Variants in CTNNA3 observed in about 807,000 individuals in gnomAD.
CTNNA3 encodes catenin alpha 3.
In CTNNA3, 76 loss-of-function variants were observed where a neutral mutation model predicts 95.7. The ratio of observed to expected loss-of-function variants is 0.79; its 90% CI spans 0.66 to 0.96. The LOEUF is 0.96. Ranked by LOEUF, CTNNA3 falls within the 40% of genes least tolerant of loss-of-function variation. The pLI, the probability that CTNNA3 is intolerant of heterozygous loss-of-function variation, is 0.00. For synonymous variants in CTNNA3, 431 were observed against 374.4 expected (o/e 1.15, Z -1.74); for missense variants, 1,191 against 1,089.8 (o/e 1.09, Z -1.31).
At chr10:66,765,326 G>A (rs563635176) in intron 9 of CTNNA3, among the ~76,000 whole-genome samples, 14 of 152,282 alleles carry the variant, frequency 9.2e-5, no homozygotes, top group South Asian at 8.3e-4. Flanking sequence ...CATTTGGGCC[G>A]TAAAAACATA....
At chr10:66,192,771 C>A (rs1175232604) in intron 13 of CTNNA3, among the ~76,000 whole-genome samples, 1 of 152,040 alleles carries the variant, frequency 6.6e-6, no homozygotes, top group Non-Finnish European at 1.5e-5. Context: ...TACATTTCCC[C>A]AGCTTGGTAT....
chr10:67,019,018 A>G (rs1416716641), intron 7 of CTNNA3, among the ~76,000 whole-genome samples: 2 of 152,178 alleles, frequency 1.3e-5, no homozygotes, highest in African/African-American at 4.8e-5. Context: ...CAGGAATTAG[A>G]TCTTCTGTTC....
intron 3 of CTNNA3, among the ~76,000 whole-genome samples, chr10:67,563,066 A>T (rs1841592644): frequency 6.6e-6 from 1 of 152,154 alleles, no homozygotes; most frequent in African/African-American, 2.4e-5. Context: ...CATACTGCCC[A>T]AGGTAATTTA....
At chr10:67,583,535 T>C (rs1018235038) in intron 3 of CTNNA3, among the ~76,000 whole-genome samples, 1 of 152,182 alleles carries the variant, frequency 6.6e-6, no homozygotes, top group Non-Finnish European at 1.5e-5. Flanking sequence ...CAATTATATG[T>C]CTTGTAGTTG....
At chr10:66,458,448 G>A (rs1334111568) in intron 11 of CTNNA3, among the ~76,000 whole-genome samples, 1 of 152,028 alleles carries the variant, frequency 6.6e-6, no homozygotes, top group Non-Finnish European at 1.5e-5. Flanking sequence ...AATTTATCAT[G>A]CAAGTCATTT....
Position 66,493,599 on chromosome 10 carries a change from A to ATTTTTTTTTTTTTTTTTTT in CTNNA3, c.1531+26999_1531+27017dup, listed in dbSNP as rs528761424. On this transcript the variant is annotated intron_variant, in intron 11 of 17. Coordinates refer to ENST00000433211, the MANE Select transcript of CTNNA3 (RefSeq NM_013266.4). Reference sequence around the variant, plus strand: ...GGGTTGGCTAACATTTAACTACAGTATTTTTTTTTTTTTTTTTTTTGAGAC... The same window carrying ATTTTTTTTTTTTTTTTTTT: ...GGGTTGGCTAACATTTAACTACAGTATTTTTTTTTTTTTTTTTTTTTTTTTTTTTTTTTTTTTTTGAGAC... Among the ~76,000 whole-genome samples the ATTTTTTTTTTTTTTTTTTT allele has an allele frequency of 1.1e-4, 12 of 112,020 alleles. 1 individual carries two copies. The East Asian group carries it at 1.9e-3, about 17-fold the overall frequency. 73.5% of individuals were successfully genotyped at this position (112,020 alleles called of 152,430 possible).
intron 7 of CTNNA3, among the ~76,000 whole-genome samples, chr10:67,024,984 G>T (rs1480468937): frequency 2.0e-5 from 3 of 151,966 alleles, no homozygotes; most frequent in Non-Finnish European, 4.4e-5. Context: ...TACAAAATTA[G>T]CCAGGTGTGG....
At chr10:67,742,957 AG>A (rs1475338934) in intron 1 of CTNNA3, among the ~76,000 whole-genome samples, 1 of 151,342 alleles carries the variant, frequency 6.6e-6, no homozygotes, top group African/African-American at 2.4e-5. Flanking sequence ...ACCAGGAAGA[AG>A]TTGAATCTCT....
chr10:66,179,043 C>A (rs1202577764), intron 13 of CTNNA3, among the ~76,000 whole-genome samples: 1 of 151,902 alleles, frequency 6.6e-6, no homozygotes, highest in Non-Finnish European at 1.5e-5. Context: ...CAGCAATTGC[C>A]TTTCTGGGAA....
chr10:66,584,798 C>T (rs905274790), intron 10 of CTNNA3, among the ~76,000 whole-genome samples: 1 of 151,948 alleles, frequency 6.6e-6, no homozygotes, highest in Non-Finnish European at 1.5e-5. Flanking sequence ...TTTATGCTTT[C>T]AGGAGTATTT....
intron 13 of CTNNA3, among the ~76,000 whole-genome samples, chr10:66,172,398 T>C (rs2085478691): frequency 6.6e-6 from 1 of 152,174 alleles, no homozygotes; most frequent in African/African-American, 2.4e-5. Context: ...GTTATAGAAC[T>C]TTTGTAACCT....
chr10:66,917,344 A>G (rs1429998220), intron 7 of CTNNA3, among the ~76,000 whole-genome samples: 2 of 152,258 alleles, frequency 1.3e-5, no homozygotes, highest in East Asian at 3.9e-4. Context: ...TCTTAAGGGA[A>G]CTGTTCAACT....
chr10:67,567,320 T>G (rs1841842082), intron 3 of CTNNA3, among the ~76,000 whole-genome samples: 1 of 151,024 alleles, frequency 6.6e-6, no homozygotes, highest in African/African-American at 2.4e-5. Context: ...ATCATTATCA[T>G]AAGTGAAACA....
chr10:67,229,186 T>A (rs1315750241), intron 5 of CTNNA3, among the ~76,000 whole-genome samples: 1 of 152,180 alleles, frequency 6.6e-6, no homozygotes, highest in South Asian at 2.1e-4. Flanking sequence ...ATAAATGTGA[T>A]ACACCACATA....
chr10:66,206,278 T>C (rs1200633500), intron 13 of CTNNA3, among the ~76,000 whole-genome samples: 1 of 151,918 alleles, frequency 6.6e-6, no homozygotes, highest in Admixed American at 6.6e-5. Context: ...TGGGATATTA[T>C]CTAATAATTG....
rs1371586353 is a variant in CTNNA3, at chr10:66,617,346, CA to C, written c.1374+4345del. On this transcript the variant is annotated intron_variant, in intron 10 of 17. Transcript: ENST00000433211. ...GTCCAAACTGAATCCAGCAGCACAT[CA>C]AAAAGCTTATCCACCATGATCAAGT... Among the ~76,000 whole-genome samples, 5 of 151,416 alleles carry C rather than the reference CA, an allele frequency of 3.3e-5. No individual in the cohort carries two copies. In the East Asian group the frequency reaches 9.8e-4, roughly 30 times the overall value.
rs1388066358 is a variant in CTNNA3, at chr10:67,566,041, G to GTATATATATATATATATATA, written c.293-26373_293-26372insTATATATATATATATATATA. The stretch of plus-strand genomic sequence containing the variant: ...AACACACACACACACATATGTGTGT[G>GTATATATATATATATATATA]TGTATATATATATATATATATATAT... On this transcript the variant is annotated intron_variant, in intron 3 of 17. Transcript: ENST00000433211. Among the ~76,000 whole-genome samples the GTATATATATATATATATATA allele has an allele frequency of 5.8e-3, 170 of 29,334 alleles. 5 individuals are homozygous for GTATATATATATATATATATA. The highest frequency in any genetic ancestry group is 0.011 in the African/African-American group (78 of 7,326). 19.2% of individuals were successfully genotyped at this position (29,334 alleles called of 152,430 possible).
intron 7 of CTNNA3, among the ~76,000 whole-genome samples, chr10:67,083,256 T>C (rs899189872): frequency 2.0e-5 from 3 of 152,186 alleles, no homozygotes; most frequent in Non-Finnish European, 2.9e-5. Flanking sequence ...CTTAGCACCA[T>C]AACACAAATA....
chr10:67,489,090 A>T (rs112253552), intron 5 of CTNNA3, among the ~76,000 whole-genome samples: 2,596 of 152,272 alleles, frequency 0.017, 78 homozygotes, highest in African/African-American at 0.057. Flanking sequence ...ATGTATCAGT[A>T]CAGCTAGTAT....
Sources: allele counts gnomAD v4.1 joint callset (sites outside exome capture counted in the v4.1 genomes callset), GRCh38; gene constraint gnomAD v4.1.1; transcripts MANE v1.5; gene names NCBI Gene and HGNC (gene_info 2026-07-23, HGNC 2026-07-21).